Variants in RERG observed in about 807,000 individuals in gnomAD.
RERG encodes ras-related and estrogen-regulated growth inhibitor.
Under a neutral mutation model 23.2 loss-of-function variants are expected in RERG, and 25 were observed. The observed-to-expected ratio is 1.08, with a 90% CI of 0.79 to 1.50. The LOEUF is 1.50. Ranked by LOEUF, RERG falls within the 40% of genes most tolerant of loss-of-function variation. RERG has a pLI of 0.00. For missense variants in RERG, 253 were observed against 250.1 expected (o/e 1.01, Z -0.08); for synonymous variants, 81 against 89.1 (o/e 0.91, Z 0.51).
At chr12:15,184,951 A>G (rs577494333) in intron 2 of RERG, among the ~76,000 whole-genome samples, 85 of 152,304 alleles carry the variant, frequency 5.6e-4, no homozygotes, top group African/African-American at 2.0e-3. Flanking sequence ...TCCAATGGAA[A>G]GTGACAAAAA....
chr12:15,135,311 T>A (rs1411773095), intron 2 of RERG, among the ~76,000 whole-genome samples: 1 of 152,180 alleles, frequency 6.6e-6, no homozygotes, highest in Non-Finnish European at 1.5e-5. Flanking sequence ...GAGTTTTTTG[T>A]CTATTCCTTT....
rs1282479235 is a variant in RERG at position 15,126,720 on chromosome 12, C to CT, written c.62-5602dup. On this transcript the variant is annotated intron_variant, in intron 2 of 4. Coordinates refer to ENST00000256953, the MANE Select transcript of RERG (RefSeq NM_032918.3). ...CCAGATAGCATTTCTTTTTCTTTTT[C>CT]TTTCTTTTTTTTTTTTTTTTGAGAC... 4.6e-3 allele frequency among the ~76,000 whole-genome samples: 587 copies of CT among 126,492 alleles called. 6 individuals are homozygous for CT. The highest frequency in any genetic ancestry group is 7.0e-3 in the African/African-American group (233 of 33,134). 83.0% of individuals were successfully genotyped at this position (126,492 alleles called of 152,430 possible).
chr12:15,169,998 G>A (rs1288804923), intron 2 of RERG, among the ~76,000 whole-genome samples: 1 of 148,286 alleles, frequency 6.7e-6, no homozygotes, highest in Non-Finnish European at 1.5e-5. Context: ...CATGAGTTTG[G>A]GAAGACCAGA....
chr12:15,192,664 GT>G (rs1253817302), intron 2 of RERG, among the ~76,000 whole-genome samples: 1 of 151,998 alleles, frequency 6.6e-6, no homozygotes, highest in Non-Finnish European at 1.5e-5. Flanking sequence ...CAATAATGCT[GT>G]TTTTTTCTCT....
At chr12:15,218,135 C>T (rs1357127477) in intron 1 of RERG, 3 of 152,364 alleles carry the variant, frequency 2.0e-5, no homozygotes, top group African/African-American at 7.2e-5. Context: ...GTGACAGATA[C>T]AGATACACAT....
chr12:15,185,330 C>G (rs1408800760), intron 2 of RERG, among the ~76,000 whole-genome samples: 1 of 152,122 alleles, frequency 6.6e-6, no homozygotes, highest in Non-Finnish European at 1.5e-5. Context: ...AAAGCTCTCA[C>G]ATAATTGTAA....
chr12:15,160,253 G>T (rs543260161), intron 2 of RERG, among the ~76,000 whole-genome samples: 1 of 151,792 alleles, frequency 6.6e-6, no homozygotes, highest in Admixed American at 6.6e-5. Flanking sequence ...TATATTTCAC[G>T]AATTCTAAGT....
intron 2 of RERG, among the ~76,000 whole-genome samples, chr12:15,189,283 C>G (rs956543255): frequency 6.6e-6 from 1 of 152,108 alleles, no homozygotes; most frequent in Non-Finnish European, 1.5e-5. Flanking sequence ...TTTCACCTCC[C>G]CAAGAATCTC....
intron 2 of RERG, among the ~76,000 whole-genome samples, chr12:15,123,097 A>G (rs1386834055): frequency 2.6e-5 from 4 of 152,106 alleles, no homozygotes; most frequent in African/African-American, 9.7e-5. Context: ...GCGCCCGGCC[A>G]GACTATGTAG....
At chr12:15,160,776 G>C (rs1338289472) in intron 2 of RERG, among the ~76,000 whole-genome samples, 1 of 152,142 alleles carries the variant, frequency 6.6e-6, no homozygotes, top group Non-Finnish European at 1.5e-5. Flanking sequence ...TGTAAGAATT[G>C]AATTGGAAAA....
chr12:15,160,475 G>A (rs4763420), intron 2 of RERG, among the ~76,000 whole-genome samples: 23,088 of 152,044 alleles, frequency 0.15, 2,024 homozygotes, highest in East Asian at 0.24. Context: ...AAATCACACC[G>A]CAAAAGGTAT....
intron 4 of RERG, chr12:15,111,020 T>G: frequency 5.2e-6 from 1 of 191,542 alleles, no homozygotes; most frequent in Non-Finnish European, 1.1e-5. Flanking sequence ...TTTAACTTCA[T>G]TTGAGCATTT....
intron 2 of RERG, among the ~76,000 whole-genome samples, chr12:15,193,935 T>C (rs576495478): frequency 6.6e-5 from 10 of 152,238 alleles, no homozygotes; most frequent in African/African-American, 2.4e-4. Context: ...AGGAGCAAAT[T>C]GGTGAAAAGA....
rs76328426 is a variant in RERG at position 15,156,191 on chromosome 12, T to C, written c.62-35072A>G. ...AGATATCAGCAACAACTGATACGAATGGAAATATCCATCATTTCTATTAGG... is the reference window on the plus strand; with the variant it reads ...AGATATCAGCAACAACTGATACGAACGGAAATATCCATCATTTCTATTAGG... On this transcript the variant is annotated intron_variant, in intron 2 of 4. Coordinates refer to ENST00000256953, the MANE Select transcript of RERG (RefSeq NM_032918.3). Among the ~76,000 whole-genome samples the C allele has an allele frequency of 7.7e-3, 1,168 of 152,294 alleles. 16 individuals carry two copies. Among genetic ancestry groups the C allele is most frequent in the African/African-American group, 0.027 (1,108 of 41,560 alleles).
At chr12:15,139,848 T>C (rs186531766) in intron 2 of RERG, among the ~76,000 whole-genome samples, 25 of 152,270 alleles carry the variant, frequency 1.6e-4, no homozygotes, top group African/African-American at 6.0e-4. Context: ...TCTGGTGAAA[T>C]GTTGTATAGA....
chr12:15,179,617 A>ACT (rs1401346725), intron 2 of RERG, among the ~76,000 whole-genome samples: 8 of 152,224 alleles, frequency 5.3e-5, no homozygotes, highest in Non-Finnish European at 2.9e-5. Flanking sequence ...AATTGTTAGG[A>ACT]AACATTTGCT....
intron 3 of RERG, among the ~76,000 whole-genome samples, chr12:15,112,040 C>T (rs1164348155): frequency 6.6e-6 from 1 of 152,110 alleles, no homozygotes; most frequent in Non-Finnish European, 1.5e-5. Context: ...TGCTCTTTTC[C>T]TTCTATAATG....
chr12:15,117,904 G>A (rs552657328), intron 3 of RERG, among the ~76,000 whole-genome samples: 1 of 152,182 alleles, frequency 6.6e-6, no homozygotes, highest in African/African-American at 2.4e-5. Flanking sequence ...GGTCCAACTC[G>A]CACATCTTAT....
intron 2 of RERG, among the ~76,000 whole-genome samples, chr12:15,150,970 G>T (rs1167222925): frequency 2.6e-5 from 4 of 152,178 alleles, no homozygotes; most frequent in African/African-American, 4.8e-5. Flanking sequence ...GAAAATGAAA[G>T]TACATAATAC....
Sources: gnomAD v4.1 joint callset for allele counts (sites outside exome capture counted in the v4.1 genomes callset) on GRCh38, gnomAD v4.1.1 for gene constraint, MANE v1.5 for transcripts, NCBI Gene and HGNC (gene_info 2026-07-23, HGNC 2026-07-21) for gene names.